The following PTK2 variants were observed in gnomAD, a reference collection of about 807,000 sequenced individuals.
The protein encoded by PTK2 is focal adhesion kinase 1.
Under a neutral mutation model 150.1 loss-of-function variants are expected in PTK2, and 45 were observed. The ratio of observed to expected loss-of-function variants is 0.30; its 90% confidence interval spans 0.24 to 0.38. The LOEUF is 0.38. PTK2 is among the 10% of genes least tolerant of loss of function. PTK2 has a pLI of 1.00. For synonymous variants in PTK2, 432 were observed against 449.2 expected (o/e 0.96, Z 0.48); for missense variants, 919 against 1,307.3 (o/e 0.70, Z 4.58).
intron 22 of PTK2, among the ~76,000 whole-genome samples, chr8:140,723,586 A>G (rs1159755881): frequency 6.6e-6 from 1 of 152,216 alleles, no homozygotes; most frequent in Admixed American, 6.5e-5. Context: ...GTCAAACTGA[A>G]GCATATTTTC....
intron 16 of PTK2, among the ~76,000 whole-genome samples, chr8:140,752,978 C>G (rs1471311038): frequency 6.6e-6 from 1 of 152,176 alleles, no homozygotes; most frequent in Admixed American, 6.5e-5. Context: ...CACACAGGGC[C>G]TTCAAGGCCA....
chr8:140,666,029 A>G (rs1445449361), intron 30 of PTK2, among the ~76,000 whole-genome samples: 1 of 152,218 alleles, frequency 6.6e-6, no homozygotes, highest in Non-Finnish European at 1.5e-5. Context: ...AAGATTGCTA[A>G]TAGGTATACT....
chr8:141,001,335 T>TCTCTCGGCAGCGCGCGC (rs1569552272), upstream of PTK2: 2 of 147,976 alleles, frequency 1.4e-5, no homozygotes, highest in African/African-American at 4.9e-5. Flanking sequence ...GAGGCGCGCG[T>TCTCTCGGCAGCGCGCGC]CCTCTCTCGG....
At chr8:140,764,479 T>TA in intron 14 of PTK2, 189 bp from the exon 17 acceptor site, 1 of 578,948 alleles carries the variant, frequency 1.7e-6, no homozygotes. Context: ...CATTGTCCAA[T>TA]ACGTTATAAT....
chr8:140,969,040 C>A (rs1376614842), intron 1 of PTK2, among the ~76,000 whole-genome samples: 1 of 152,174 alleles, frequency 6.6e-6, no homozygotes, highest in Non-Finnish European at 1.5e-5. Flanking sequence ...ACATTGCACC[C>A]TGTCACTCCT....
chr8:140,818,779 G>C, intron 9 of PTK2, 101 bp downstream of exon 9: 1 of 1,248,370 alleles, frequency 8.0e-7, no homozygotes. Flanking sequence ...GAAAAAAATG[G>C]GACAAGTTAG....
At chr8:140,782,199 A>C (rs913546014) in intron 14 of PTK2, among the ~76,000 whole-genome samples, 1 of 149,818 alleles carries the variant, frequency 6.7e-6, no homozygotes, top group African/African-American at 2.5e-5. Flanking sequence ...TATGTCACAA[A>C]GCATATAATT....
intron 4 of PTK2, among the ~76,000 whole-genome samples, chr8:140,868,107 G>A (rs1237576563): frequency 6.6e-6 from 1 of 152,056 alleles, no homozygotes; most frequent in Non-Finnish European, 1.5e-5. Flanking sequence ...AGCTTCCTCA[G>A]TCTTACCACC....
At chr8:140,986,308 T>C (rs563766735) in intron 1 of PTK2, among the ~76,000 whole-genome samples, 1 of 152,206 alleles carries the variant, frequency 6.6e-6, no homozygotes, top group South Asian at 2.1e-4. Flanking sequence ...GACTCTGGAG[T>C]GAAATAAAAA....
intron 14 of PTK2, among the ~76,000 whole-genome samples, chr8:140,772,656 A>G (rs1278032708): frequency 6.6e-6 from 1 of 152,216 alleles, no homozygotes; most frequent in Non-Finnish European, 1.5e-5. Flanking sequence ...TGAAATGTTT[A>G]TAAGCAGCAC....
At chr8:140,782,933 A>C (rs1460921232) in intron 14 of PTK2, among the ~76,000 whole-genome samples, 1 of 152,126 alleles carries the variant, frequency 6.6e-6, no homozygotes, top group Non-Finnish European at 1.5e-5. Context: ...TTATATTATC[A>C]AGCTTTAGAA....
At chr8:140,715,168 T>G (rs941517227) in intron 23 of PTK2, among the ~76,000 whole-genome samples, 3,221 of 117,760 alleles carry the variant, frequency 0.027, 626 homozygotes, top group African/African-American at 0.1. Context: ...TTTTTTTTTT[T>G]TTTTTTTTTT....
At chr8:140,936,836 T>C (rs553239797) in intron 1 of PTK2, among the ~76,000 whole-genome samples, 26 of 151,832 alleles carry the variant, frequency 1.7e-4, no homozygotes, top group African/African-American at 5.1e-4. Context: ...ATCAGTCCAA[T>C]AGGACAAAGG....
At chr8:140,793,280 GA>G in intron 13 of PTK2, 73 bp downstream of exon 13, 2 of 1,489,156 alleles carry the variant, frequency 1.3e-6, no homozygotes, top group Non-Finnish European at 9.1e-7. Context: ...TTAGGAAAAT[GA>G]ATAATAAAGC....
chr8:140,675,470 C>G (rs763812708), exon 28 of PTK2: 1 of 1,612,538 alleles, frequency 6.2e-7, no homozygotes, highest in East Asian at 2.2e-5. Context: ...CTGGTTTACC[C>G]ACAGGCTGAT....
At chr8:140,811,909 G>C (rs1428341632) in intron 10 of PTK2, among the ~76,000 whole-genome samples, 1 of 152,196 alleles carries the variant, frequency 6.6e-6, no homozygotes, top group Non-Finnish European at 1.5e-5. Flanking sequence ...TGAAATACGG[G>C]ATTATGTAAA....
intron 2 of PTK2, among the ~76,000 whole-genome samples, chr8:140,899,696 C>A (rs1334767746): frequency 6.6e-6 from 1 of 152,038 alleles, no homozygotes. Flanking sequence ...ACACAAATAT[C>A]CTCAACAAAA....
chr8:140,814,108 A>G (rs911094227), intron 10 of PTK2, among the ~76,000 whole-genome samples: 1 of 152,348 alleles, frequency 6.6e-6, no homozygotes, highest in East Asian at 1.9e-4. Flanking sequence ...AGCCAGGAAG[A>G]AACTGAAGCC....
At position 140,780,712 on chromosome 8, in the gene PTK2, T is replaced by C. The variant is rs564326521; in HGVS notation, c.1177+8762A>G. ...ATGAAAATGGGACAATCAGGGATATTTGAACACTGACTGGATAGCTGATAA... is the reference window on the plus strand; with the variant it reads ...ATGAAAATGGGACAATCAGGGATATCTGAACACTGACTGGATAGCTGATAA... On this transcript the variant is annotated intron_variant, in intron 14 of 31. Transcript: ENST00000522684. 1.4e-4 allele frequency among the ~76,000 whole-genome samples: 21 copies of C among 152,376 alleles called. 1 individual carries two copies. Among genetic ancestry groups the C allele is most frequent in the African/African-American group, 4.6e-4 (19 of 41,596 alleles).
Sources: gnomAD v4.1 joint callset for allele counts (sites outside exome capture counted in the v4.1 genomes callset) on GRCh38, gnomAD v4.1.1 for gene constraint, MANE v1.5 for transcripts, NCBI Gene and HGNC (gene_info 2026-07-23, HGNC 2026-07-21) for gene names.